Variants in PCDHB3 observed in about 807,000 individuals in gnomAD.
PCDHB3 encodes the protein protocadherin beta 3.
For synonymous variants in PCDHB3, 479 were observed against 456.0 expected, an observed-to-expected ratio of 1.05 and a Z score of -0.64; for missense variants, 967 against 1,012.1, an observed-to-expected ratio of 0.96 and a Z score of 0.60.
At position 141,102,548 on chromosome 5, in the gene PCDHB3, C is replaced by A. The variant is rs1554272607; in HGVS notation, c.1899C>A (p.Arg633=). The change falls in exon 1 of 1, where the codon CGC becomes CGA. Residue 633 remains arginine, a synonymous_variant. Transcript: ENST00000231130. ...GCACCGCCAGGCTGCTGAGCGAGCG[C>A]GACGCGGCCAAGCACAGGCTGGTGG... ...EVRTARLLSE[R]DAAKHRLVVL... 2 of 1,608,646 alleles carry A rather than the reference C, an allele frequency of 1.2e-6. No individual in the cohort carries two copies. Among genetic ancestry groups the A allele is most frequent in the South Asian group, 2.2e-5 (2 of 90,964 alleles).
At position 141,102,694 on chromosome 5, in the gene PCDHB3, A is replaced by C; in HGVS notation, c.2045A>C (p.Gln682Pro). ...CCGGAGGCGGCACCGGCCCAGGCCC[A>C]GGCCGACTTGCTCACCGTCTACCTG... ...PLPEAAPAQA[Q>P]ADLLTVYLVV... Residue 682 changes from glutamine (Q) to proline (P), a missense_variant, in exon 1 of 1, where the codon CAG (glutamine) becomes CCG (proline). Coordinates refer to ENST00000231130, the MANE Select transcript of PCDHB3 (RefSeq NM_018937.5). 1.2e-6 allele frequency: 2 copies of C among 1,611,712 alleles called. No individual in the cohort carries two copies. Among genetic ancestry groups the C allele is most frequent in the Non-Finnish European group, 8.5e-7 (1 of 1,179,778 alleles).
In PCDHB3 at chr5:141,102,436, C is replaced by T. The variant is rs1554272567; in HGVS notation, c.1787C>T (p.Ser596Leu). Residue 596 changes from serine (S) to leucine (L), a missense_variant, in exon 1 of 1, where the codon TCG (serine) becomes TTG (leucine). Ser to Leu is a moderately radical substitution (Grantham distance 145). Coordinates refer to ENST00000231130, the MANE Select transcript of PCDHB3 (RefSeq NM_018937.5). ...AAGGTGGTGGCGGTGGACGGCGACT[C>T]GGGCCAGAACGCCTGGCTGTCGTAC... Reference protein sequence around the residue: ...VTKVVAVDGDSGQNAWLSYQL... With the variant: ...VTKVVAVDGDLGQNAWLSYQL... 4.3e-6 allele frequency: 7 copies of T among 1,610,344 alleles called. No homozygotes were observed. In the East Asian group the frequency reaches 1.1e-4, roughly 26 times the overall value.
rs31849 is a variant in PCDHB3 at position 141,100,771 on chromosome 5, A to C, written c.122A>C (p.Lys41Thr). 19 of 1,613,928 alleles carry C rather than the reference A, an allele frequency of 1.2e-5. No homozygotes were observed. The African/African-American group carries it at 2.4e-4, about 20-fold the overall frequency. Residue 41 changes from lysine (K) to threonine (T), a missense_variant, in exon 1 of 1, where the codon AAG becomes ACG. Coordinates refer to ENST00000231130, the MANE Select transcript of PCDHB3 (RefSeq NM_018937.5). The part of the protein sequence containing the change: ...RRYSVAEEKE[K>T]GFLIANLAKD... Reference sequence around the variant, plus strand: ...TATTCTGTGGCTGAGGAAAAAGAGAAGGGCTTTTTAATAGCCAACCTAGCA... The same window carrying C: ...TATTCTGTGGCTGAGGAAAAAGAGACGGGCTTTTTAATAGCCAACCTAGCA...
Position 141,101,253 on chromosome 5 carries a change from C to G in PCDHB3, c.604C>G (p.Pro202Ala). The G allele has an allele frequency of 6.2e-7, 1 of 1,614,078 alleles. No individual in the cohort carries two copies. The highest frequency in any genetic ancestry group is 8.5e-7 in the Non-Finnish European group (1 of 1,179,992). Residue 202 changes from proline (P) to alanine (A), a missense_variant, in exon 1 of 1, where the codon CCG (proline) becomes GCG (alanine). Pro to Ala is a conservative substitution (Grantham distance 27). Transcript: ENST00000231130. ...ACTAGTACTGGATAAAGCGCTCGAT[C>G]CGGAGGAGCAGCCGGAACTCAGCTT... is the stretch of plus-strand genomic sequence containing the variant. Reference protein sequence around the residue: ...PELVLDKALDPEEQPELSLTL... With the variant: ...PELVLDKALDAEEQPELSLTL...
rs782091574 is a variant in PCDHB3, at chr5:141,102,393, C to T, written c.1744C>T (p.Pro582Ser). The change falls in exon 1 of 1, where the codon CCG becomes TCG. Residue 582 changes from proline to serine, a missense_variant. By Grantham distance (74) the Pro-to-Ser change is moderately conservative (BLOSUM62 -1). Coordinates refer to ENST00000231130, the MANE Select transcript of PCDHB3 (RefSeq NM_018937.5). ...CTELVPRAAE[P>S]GYLVTKVVAV... is the part of the protein sequence containing the mutation. ...CGAGCTGGTGCCCCGGGCGGCTGAG[C>T]CGGGCTACCTGGTGACCAAGGTGGT... 1.2e-6 allele frequency: 2 copies of T among 1,607,256 alleles called. No individual in the cohort carries two copies. The highest frequency in any genetic ancestry group is 1.7e-6 in the Non-Finnish European group (2 of 1,176,878).
At position 141,101,824 on chromosome 5, in the gene PCDHB3, T is replaced by A; in HGVS notation, c.1175T>A (p.Phe392Tyr). 6.2e-7 allele frequency: 1 copy of A among 1,614,016 alleles called. No homozygotes were observed. The highest frequency in any genetic ancestry group is 8.5e-7 in the Non-Finnish European group (1 of 1,180,006). Residue 392 changes from phenylalanine to tyrosine, a missense_variant, in exon 1 of 1, where the codon TTC (phenylalanine) becomes TAC (tyrosine). Physicochemically the swap from Phe to Tyr is conservative, Grantham distance 22. Coordinates refer to ENST00000231130, the MANE Select transcript of PCDHB3 (RefSeq NM_018937.5). ...TCCATTGAGAACAATCTCCCCTTCT[T>A]CCTGAAACCATCTGTAGAGAATTTT... ...MCSIENNLPFFLKPSVENFYT... is the reference protein window; with the variant it reads ...MCSIENNLPFYLKPSVENFYT...
Position 141,102,309 on chromosome 5 carries a change from G to C in PCDHB3, c.1660G>C (p.Ala554Pro). Reference protein sequence around the residue: ...EALVRVLVLDANDNSPFVLYP... With the variant: ...EALVRVLVLDPNDNSPFVLYP... ...GCTGGTGCGCGTGCTGGTGCTGGAC[G>C]CCAACGACAACTCGCCCTTCGTGCT... Residue 554 changes from alanine (A) to proline (P), a missense_variant, in exon 1 of 1, where the codon GCC becomes CCC. Transcript: ENST00000231130. The C allele has an allele frequency of 1.2e-6, 2 of 1,611,634 alleles. No individual in the cohort carries two copies.
rs374613377 is a variant in PCDHB3 at position 141,100,998 on chromosome 5, G to A, written c.349G>A (p.Val117Ile). Reference protein sequence around the residue: ...QILLQNPLQFVTNELRIIDVN... With the variant: ...QILLQNPLQFITNELRIIDVN... ...ATTACTGCAAAACCCTTTGCAATTC[G>A]TTACAAACGAGCTCCGTATCATAGA... Residue 117 changes from valine (V) to isoleucine (I), a missense_variant, in exon 1 of 1, where the codon GTT becomes ATT. Coordinates refer to ENST00000231130, the MANE Select transcript of PCDHB3 (RefSeq NM_018937.5). 4.8e-5 allele frequency: 78 copies of A among 1,613,948 alleles called. No individual in the cohort carries two copies. Among genetic ancestry groups the A allele is most frequent in the Admixed American group, 6.7e-5 (4 of 59,986 alleles).
Position 141,102,249 on chromosome 5 carries a change from A to T in PCDHB3, c.1600A>T (p.Thr534Ser), listed in dbSNP as rs13157538. Residue 534 changes from threonine to serine, a missense_variant, in exon 1 of 1, where the codon ACA (threonine) becomes TCA (serine). Transcript: ENST00000231130. ...GGCGTTCGAGTTCCGCGTGGGCGCC[A>T]CAGACCGTGGCTCCCCGGCTTTGAG... is the stretch of plus-strand genomic sequence containing the variant. ...LQAFEFRVGA[T>S]DRGSPALSSE... The T allele has an allele frequency of 6.1e-4, 991 of 1,612,092 alleles. 6 individuals carry two copies. In the African/African-American group the frequency reaches 0.011, roughly 17 times the overall value.
At position 141,101,246 on chromosome 5, in the gene PCDHB3, G is replaced by C. The variant is rs1289978052; in HGVS notation, c.597G>C (p.Ala199=). Residue 199 remains alanine (A), a synonymous_variant, in exon 1 of 1, where the codon GCG becomes GCC. Coordinates refer to ENST00000231130, the MANE Select transcript of PCDHB3 (RefSeq NM_018937.5). The part of the protein sequence containing the change: ...RKYPELVLDK[A]LDPEEQPELS... ...ACCCGGAACTAGTACTGGATAAAGCGCTCGATCCGGAGGAGCAGCCGGAAC... is the reference window on the plus strand; with the variant it reads ...ACCCGGAACTAGTACTGGATAAAGCCCTCGATCCGGAGGAGCAGCCGGAAC... The C allele has an allele frequency of 3.1e-6, 5 of 1,614,026 alleles. No homozygotes were observed. The highest frequency in any genetic ancestry group is 4.2e-6 in the Non-Finnish European group (5 of 1,180,044).
chr5:141,102,491 G>A lies in PCDHB3; in HGVS notation c.1842G>A (p.Leu614=), dbSNP rs782100954. The A allele has an allele frequency of 3.1e-6, 5 of 1,608,968 alleles. No homozygotes were observed. In the South Asian group the frequency reaches 3.3e-5, roughly 11 times the overall value. Residue 614 remains leucine, a synonymous_variant, in exon 1 of 1, where the codon CTG becomes CTA. Transcript: ENST00000231130. ...TGCTCAAGGCCACGGAGCCCGGGCTGTTCGGCGTGTGGGCGCACAATGGCG... is the reference window on the plus strand; with the variant it reads ...TGCTCAAGGCCACGGAGCCCGGGCTATTCGGCGTGTGGGCGCACAATGGCG... ...YQLLKATEPG[L]FGVWAHNGEV...
rs782137198 is a variant in PCDHB3 at position 141,101,939 on chromosome 5, G to A, written c.1290G>A (p.Arg430=). ...CTATCACTGACCTGGGGACACCCAG[G>A]CTGAAAACCAAGTACAACATAACCG... is the stretch of plus-strand genomic sequence containing the variant. ...TITITDLGTP[R]LKTKYNITVL... The change falls in exon 1 of 1, where the codon AGG becomes AGA. Residue 430 remains arginine (R), a synonymous_variant. Coordinates refer to ENST00000231130, the MANE Select transcript of PCDHB3 (RefSeq NM_018937.5). 8.1e-6 allele frequency: 13 copies of A among 1,614,010 alleles called. No individual in the cohort carries two copies. In the South Asian group the frequency reaches 1.4e-4, roughly 18 times the overall value.
Position 141,103,794 on chromosome 5 carries a change from G to A in PCDHB3, c.*754G>A, listed in dbSNP as rs1316252555. On this transcript the variant is annotated 3_prime_UTR_variant, in exon 1 of 1. Transcript: ENST00000231130. ...TATCTAAAGTGTGTTCATGATGACT[G>A]AGGAAAAAAATTAAACCTATGCCAT... 6.6e-6 allele frequency: 1 copy of A among 152,038 alleles called. No homozygotes were observed. Among genetic ancestry groups the A allele is most frequent in the Admixed American group, 6.6e-5 (1 of 15,264 alleles). 9.4% of individuals were successfully genotyped at this position (152,038 alleles called of 1,614,324 possible). A position where few individuals can be genotyped will look rare whatever the true frequency, so the allele number is the denominator to read the frequency against.
chr5:141,103,596 T>G lies in PCDHB3; in HGVS notation c.*556T>G, dbSNP rs1419101140. 6.6e-6 allele frequency: 1 copy of G among 152,232 alleles called. No homozygotes were observed. The highest frequency in any genetic ancestry group is 1.5e-5 in the Non-Finnish European group (1 of 68,046). The allele number at this position is 152,232 out of a possible 1,614,324, so 9.4% of individuals were successfully genotyped here. A position where few individuals can be genotyped will look rare whatever the true frequency, so the allele number is the denominator to read the frequency against. ...TTTTAAGGATAGACAAGAATGTGTT[T>G]TCTTTAATAAATAGTAATATATCAT... On this transcript the variant is annotated 3_prime_UTR_variant, in exon 1 of 1. Coordinates refer to ENST00000231130, the MANE Select transcript of PCDHB3 (RefSeq NM_018937.5).
Position 141,102,212 on chromosome 5 carries a change from C to G in PCDHB3, c.1563C>G (p.Tyr521Ter). The G allele has an allele frequency of 6.2e-7, 1 of 1,612,768 alleles. No individual in the cohort carries two copies. Among genetic ancestry groups the G allele is most frequent in the Non-Finnish European group, 8.5e-7 (1 of 1,179,898 alleles). Residue 521 changes from tyrosine (Y) to a stop codon, truncating the protein, a stop_gained, in exon 1 of 1, where the codon TAC (tyrosine) becomes TAG (stop). Coordinates refer to ENST00000231130, the MANE Select transcript of PCDHB3 (RefSeq NM_018937.5). LOFTEE classifies it low-confidence loss of function (END_TRUNC). ...GHLFALRSLD[Y>*]EALQAFEFRV... ...TGTTTGCCCTCAGGTCGCTGGACTACGAGGCCCTGCAGGCGTTCGAGTTCC... is the reference window on the plus strand; with the variant it reads ...TGTTTGCCCTCAGGTCGCTGGACTAGGAGGCCCTGCAGGCGTTCGAGTTCC...
Position 141,101,489 on chromosome 5 carries a change from A to AT in PCDHB3, c.846dup (p.His283SerfsTer4), listed in dbSNP as rs781965023. ...GAAGTTTTGGGACAATATCATATGC[A>AT]TTTTTTCATGCTTCTGAAGAAATTC... On this transcript the variant is annotated frameshift_variant, in exon 1 of 1. Coordinates refer to ENST00000231130, the MANE Select transcript of PCDHB3 (RefSeq NM_018937.5). LOFTEE classifies it low-confidence loss of function (END_TRUNC). The AT allele has an allele frequency of 8.7e-6, 14 of 1,614,006 alleles. No homozygotes were observed. Among genetic ancestry groups the AT allele is most frequent in the African/African-American group, 2.7e-5 (2 of 74,890 alleles).
At position 141,102,250 on chromosome 5, in the gene PCDHB3, C is replaced by T. The variant is rs782488977; in HGVS notation, c.1601C>T (p.Thr534Ile). 1 of 1,612,300 alleles carries T rather than the reference C, an allele frequency of 6.2e-7. No homozygotes were observed. The highest frequency in any genetic ancestry group is 1.1e-5 in the South Asian group (1 of 91,000). ...LQAFEFRVGA[T>I]DRGSPALSSE... ...GCGTTCGAGTTCCGCGTGGGCGCCA[C>T]AGACCGTGGCTCCCCGGCTTTGAGC... is the stretch of plus-strand genomic sequence containing the variant. The change falls in exon 1 of 1, where the codon ACA (threonine) becomes ATA (isoleucine). Residue 534 changes from threonine to isoleucine, a missense_variant. Physicochemically the swap from Thr to Ile is moderately conservative, Grantham distance 89. Coordinates refer to ENST00000231130, the MANE Select transcript of PCDHB3 (RefSeq NM_018937.5).
Position 141,101,708 on chromosome 5 carries a change from C to T in PCDHB3, c.1059C>T (p.Asn353=), listed in dbSNP as rs1168871943. ...CGGAACTGACCTTGTCTTCAGTAAA[C>T]AGCCCTATTCCTGAGAACTCGGGAG... ...NPPELTLSSV[N]SPIPENSGET... The change falls in exon 1 of 1, where the codon AAC becomes AAT. Residue 353 remains asparagine, a synonymous_variant. Transcript: ENST00000231130. The T allele has an allele frequency of 6.2e-7, 1 of 1,613,834 alleles. No individual in the cohort carries two copies. Among genetic ancestry groups the T allele is most frequent in the Admixed American group, 1.7e-5 (1 of 60,020 alleles).
At position 141,102,629 on chromosome 5, in the gene PCDHB3, G is replaced by A. The variant is rs17844401; in HGVS notation, c.1980G>A (p.Val660=). Residue 660 remains valine, a synonymous_variant, in exon 1 of 1, where the codon GTG becomes GTA. Coordinates refer to ENST00000231130, the MANE Select transcript of PCDHB3 (RefSeq NM_018937.5). ...GCTCGGCCACCGCCACGCTGCATGT[G>A]CTCCTGGTGGACGGCTTCTCCCAGC... The part of the protein sequence containing the change: ...PPRSATATLH[V]LLVDGFSQPY... 1 of 1,609,896 alleles carries A rather than the reference G, an allele frequency of 6.2e-7. No individual in the cohort carries two copies. The highest frequency in any genetic ancestry group is 1.7e-5 in the Admixed American group (1 of 60,016).
Sources: gnomAD v4.1 joint callset for allele counts on GRCh38, gnomAD v4.1.1 for gene constraint, MANE v1.5 for transcripts, NCBI Gene and HGNC (gene_info 2026-07-23, HGNC 2026-07-21) for gene names.